LRRC53: variants seen among roughly 807,000 people sequenced by gnomAD.
The protein encoded by LRRC53 is leucine rich repeat containing 53.
LRRC53 carries 25 observed loss-of-function variants against 13.6 expected under a neutral mutation model. That is an observed-to-expected ratio of 1.83 (90% CI 1.34 to 2.56). The LOEUF is 2.56. LRRC53 is among the 30% of genes most tolerant of loss of function. The probability of loss-of-function intolerance (pLI) is 0.00; values close to 1 mark genes in which losing one functional copy is unlikely to be tolerated. For synonymous variants in LRRC53, 204 were observed against 109.8 expected, an observed-to-expected ratio of 1.86 and a Z score of -5.37; for missense variants, 527 against 275.8, an observed-to-expected ratio of 1.91 and a Z score of -6.45.
At chr1:74,524,857 C>A in the LRRC53 span, among the ~76,000 whole-genome samples, 463 of 152,170 alleles carry the variant, frequency 3.0e-3, 1 homozygote, top group Admixed American at 4.9e-3. Context: ...GAGATGCATG[C>A]CACTGCAGGG....
chr1:74,520,009 T>A, the LRRC53 span, among the ~76,000 whole-genome samples: 118 of 152,306 alleles, frequency 7.7e-4, no homozygotes, highest in African/African-American at 2.4e-3. Flanking sequence ...GTATTTAATT[T>A]TTTATTTCCA....
intron 1 of LRRC53, among the ~76,000 whole-genome samples, chr1:74,509,385 T>C (rs1670065163): frequency 6.6e-6 from 1 of 152,228 alleles, no homozygotes; most frequent in Non-Finnish European, 1.5e-5. Context: ...CAATTGTGAA[T>C]GTGGCTGCTG....
At chr1:74,531,464 T>C in the LRRC53 span, among the ~76,000 whole-genome samples, 1 of 152,060 alleles carries the variant, frequency 6.6e-6, no homozygotes, top group Non-Finnish European at 1.5e-5. Context: ...AGAGGAAAGG[T>C]GGGCTAAGAG....
chr1:74,471,647 T>C lies in LRRC53; in HGVS notation c.1975A>G (p.Thr659Ala). 2.5e-6 allele frequency: 1 copy of C among 400,726 alleles called. No homozygotes were observed. Among genetic ancestry groups the C allele is most frequent in the African/African-American group, 2.1e-5 (1 of 48,770 alleles). The allele number at this position is 400,726 out of a possible 1,614,324, so 24.8% of individuals were successfully genotyped here. A position where few individuals can be genotyped will look rare whatever the true frequency, so the allele number is the denominator to read the frequency against. The change falls in exon 5 of 5, where the codon ACC becomes GCC. Residue 659 changes from threonine to alanine, a missense_variant. Thr to Ala is a moderately conservative substitution (Grantham distance 58). Coordinates refer to ENST00000294635, the MANE Select transcript of LRRC53 (RefSeq NM_001382280.1). Reference sequence around the variant, plus strand: ...TGATTTTTCTGTCGTTTCCAAGGGGTTGATATTTTGGGTGACATCATCGAC... The same window carrying C: ...TGATTTTTCTGTCGTTTCCAAGGGGCTGATATTTTGGGTGACATCATCGAC... ...NRSMMSPKISTPWKRQKNQSN... is the reference protein window; with the variant it reads ...NRSMMSPKISAPWKRQKNQSN...
the LRRC53 span, among the ~76,000 whole-genome samples, chr1:74,524,393 C>T: frequency 6.6e-6 from 1 of 152,154 alleles, no homozygotes; most frequent in Non-Finnish European, 1.5e-5. Flanking sequence ...TGTGCGGACT[C>T]CAGGGCTGCT....
the LRRC53 span, among the ~76,000 whole-genome samples, chr1:74,526,219 G>A: frequency 6.6e-6 from 1 of 152,132 alleles, no homozygotes; most frequent in Non-Finnish European, 1.5e-5. Flanking sequence ...TTGCAGGGAT[G>A]TGAATTCACA....
chr1:74,524,595 G>T, the LRRC53 span, among the ~76,000 whole-genome samples: 1 of 152,102 alleles, frequency 6.6e-6, no homozygotes. Context: ...AGAGCAATGG[G>T]CATACTTTAA....
At chr1:74,484,903 A>T (rs1488721084) in intron 1 of LRRC53, among the ~76,000 whole-genome samples, 2 of 152,232 alleles carry the variant, frequency 1.3e-5, no homozygotes, top group African/African-American at 4.8e-5. Context: ...AGCAAAGAAC[A>T]TAAGTAGCAA....
the LRRC53 span, among the ~76,000 whole-genome samples, chr1:74,524,355 C>G: frequency 6.6e-6 from 1 of 152,206 alleles, no homozygotes; most frequent in East Asian, 1.9e-4. Context: ...CATTAGATAG[C>G]AAAGTGCAAG....
At chr1:74,480,052 A>G in intron 3 of LRRC53, 101 bp downstream of exon 3, 1 of 618,042 alleles carries the variant, frequency 1.6e-6, no homozygotes, top group East Asian at 2.7e-5. Context: ...TCCTTTCCAT[A>G]GCCCTGGCAA....
chr1:74,473,864 A>G (rs972211746), intron 4 of LRRC53, among the ~76,000 whole-genome samples: 1 of 152,104 alleles, frequency 6.6e-6, no homozygotes, highest in Non-Finnish European at 1.5e-5. Context: ...AACATTAAGA[A>G]CTATTAGTCT....
upstream of LRRC53, among the ~76,000 whole-genome samples, chr1:74,516,518 T>C (rs76578915): frequency 0.01 from 1,569 of 152,234 alleles, 35 homozygotes; most frequent in African/African-American, 0.036. Context: ...AAGAAGTTCA[T>C]TGTGTGTAGA....
intron 1 of LRRC53, among the ~76,000 whole-genome samples, chr1:74,497,161 G>T (rs1345426353): frequency 6.6e-6 from 1 of 152,032 alleles, no homozygotes; most frequent in African/African-American, 2.4e-5. Flanking sequence ...AGTTTTTCTG[G>T]GTTACAACAA....
chr1:74,500,527 C>T (rs958507895), intron 1 of LRRC53, among the ~76,000 whole-genome samples: 4 of 138,992 alleles, frequency 2.9e-5, no homozygotes, highest in African/African-American at 7.9e-5. Context: ...TGGCGTGAAC[C>T]CGGGAGGCGG....
At chr1:74,525,218 A>G in the LRRC53 span, among the ~76,000 whole-genome samples, 1 of 152,192 alleles carries the variant, frequency 6.6e-6, no homozygotes, top group Non-Finnish European at 1.5e-5. Context: ...TAAGAATAAT[A>G]ACAATAATAA....
chr1:74,494,284 A>T (rs1416465998), intron 1 of LRRC53, among the ~76,000 whole-genome samples: 6 of 152,190 alleles, frequency 3.9e-5, no homozygotes, highest in Non-Finnish European at 8.8e-5. Context: ...TATACAATCT[A>T]CAAATTGCAA....
At chr1:74,521,703 A>G in the LRRC53 span, among the ~76,000 whole-genome samples, 1 of 152,190 alleles carries the variant, frequency 6.6e-6, no homozygotes, top group Non-Finnish European at 1.5e-5. Context: ...GTTGGTGAAC[A>G]AGCCATTTCA....
chr1:74,508,624 G>A (rs964778711), intron 1 of LRRC53, among the ~76,000 whole-genome samples: 4 of 152,152 alleles, frequency 2.6e-5, no homozygotes, highest in East Asian at 1.9e-4. Context: ...CTGCCAGAGC[G>A]GTAGCATGGG....
chr1:74,537,018 G>A, the LRRC53 span, among the ~76,000 whole-genome samples: 1 of 152,128 alleles, frequency 6.6e-6, no homozygotes, highest in African/African-American at 2.4e-5. Context: ...CCTGGCATGG[G>A]TAGCTTCCAT....
Sources: allele counts gnomAD v4.1 joint callset (sites outside exome capture counted in the v4.1 genomes callset), GRCh38; gene constraint gnomAD v4.1.1; transcripts MANE v1.5; gene names NCBI Gene and HGNC (gene_info 2026-07-23, HGNC 2026-07-21).